Variants in IL36A observed in about 807,000 individuals in gnomAD.
The protein encoded by IL36A is interleukin 36 alpha.
A neutral mutation model predicts 12.7 loss-of-function variants in IL36A; 13 were observed. That is an observed-to-expected ratio of 1.02 (90% confidence interval 0.67 to 1.63). The LOEUF (loss-of-function observed/expected upper bound fraction) is 1.63, where lower values mean the gene tolerates loss of function less well. Ranked by LOEUF, IL36A falls within the 40% of genes most tolerant of loss-of-function variation. The pLI is 0.00. For missense variants in IL36A, 195 were observed against 192.9 expected, an observed-to-expected ratio of 1.01 and a Z score of -0.07; for synonymous variants, 73 against 71.9, an observed-to-expected ratio of 1.01 and a Z score of -0.08.
chr2:113,005,755 T>C lies in IL36A; in HGVS notation c.-117T>C, dbSNP rs1231111987. On this transcript the variant is annotated 5_prime_UTR_variant, in exon 1 of 4. Coordinates refer to ENST00000259211, the MANE Select transcript of IL36A (RefSeq NM_014440.3). ...GGGTCACTGCTGGGCTGGCCGCCAG[T>C]CTTTCATCTGACCCAGGGTTAAACT... The C allele has an allele frequency of 1.8e-6, 2 of 1,135,940 alleles. No individual in the cohort carries two copies. Among genetic ancestry groups the C allele is most frequent in the Admixed American group, 3.4e-5 (2 of 58,998 alleles). The allele number at this position is 1,135,940 out of a possible 1,614,324, so 70.4% of individuals were successfully genotyped here.
Position 113,005,566 on chromosome 2 carries a change from T to C in IL36A, c.-306T>C, listed in dbSNP as rs77008632. On this transcript the variant is annotated 5_prime_UTR_variant, in exon 1 of 4. Transcript: ENST00000259211. ...TGCTGGAAAGTCTGGTGACCTCTGATTTTTTTTGCTTCCAGGTCTTTGGCC... is the reference window on the plus strand; with the variant it reads ...TGCTGGAAAGTCTGGTGACCTCTGACTTTTTTTGCTTCCAGGTCTTTGGCC... 2.0e-6 allele frequency: 1 copy of C among 494,434 alleles called. No individual in the cohort carries two copies. The allele number at this position is 494,434 out of a possible 1,614,324, so 30.6% of individuals were successfully genotyped here. A position where few individuals can be genotyped will look rare whatever the true frequency, so the allele number is the denominator to read the frequency against.
At position 113,006,020 on chromosome 2, in the gene IL36A, T is replaced by G. The variant is rs777920919; in HGVS notation, c.57T>G (p.Asn19Lys). Residue 19 changes from asparagine (N) to lysine (K), a missense_variant, in exon 2 of 4, where the codon AAT (asparagine) becomes AAG (lysine). Transcript: ENST00000259211. ...AGCAGGGGAGCATTCAGGATATCAA[T>G]CATCGGGTGTGGGTTCTTCAGGACC... ...TPQQGSIQDI[N>K]HRVWVLQDQT... is the part of the protein sequence containing the mutation. 1.2e-6 allele frequency: 2 copies of G among 1,614,130 alleles called. No homozygotes were observed. The highest frequency in any genetic ancestry group is 1.7e-6 in the Non-Finnish European group (2 of 1,179,992).
intron 3 of IL36A, 124 bp from the exon 4 acceptor site, chr2:113,007,708 G>A (rs1358034731): frequency 1.4e-6 from 1 of 708,424 alleles, no homozygotes; most frequent in African/African-American, 1.8e-5. Flanking sequence ...ATATGAAACA[G>A]AGGTCTCCAA....
rs371952705 is a variant in IL36A, at chr2:113,007,864, C to T, written c.297C>T (p.Pro99=). The T allele has an allele frequency of 3.6e-5, 58 of 1,613,988 alleles. No individual in the cohort carries two copies. The highest frequency in any genetic ancestry group is 1.7e-4 in the African/African-American group (13 of 74,902). Residue 99 remains proline, a synonymous_variant, in exon 4 of 4, where the codon CCC becomes CCT. Transcript: ENST00000259211. ...ATATAATGGATTTGTACAACCAACC[C>T]GAGCCTGTGAAGTCCTTTCTCTTCT... ...EKDIMDLYNQ[P]EPVKSFLFYH...
downstream of IL36A, among the ~76,000 whole-genome samples, chr2:113,010,315 G>C (rs532265013): frequency 6.6e-6 from 1 of 152,204 alleles, no homozygotes; most frequent in East Asian, 1.9e-4. Flanking sequence ...ATTTTTTCCT[G>C]GTGACAGCAT....
Position 113,006,596 on chromosome 2 carries a change from A to G in IL36A, c.125-2A>G. 1.2e-6 allele frequency: 2 copies of G among 1,613,922 alleles called. No homozygotes were observed. Among genetic ancestry groups the G allele is most frequent in the Middle Eastern group, 1.7e-4 (1 of 6,022 alleles). The stretch of plus-strand genomic sequence containing the variant: ...ACACCACTTTTCACATCGTGTTCCC[A>G]GTCACTATTGCCTTAATCTCATGCC... On this transcript the variant is annotated splice_acceptor_variant, in intron 2 of 3. Coordinates refer to ENST00000259211, the MANE Select transcript of IL36A (RefSeq NM_014440.3). LOFTEE classifies it high-confidence loss of function.
At chr2:113,009,861 A>G (rs1189501812), downstream of IL36A, among the ~76,000 whole-genome samples, 2 of 152,258 alleles carry the variant, frequency 1.3e-5, no homozygotes, top group Non-Finnish European at 2.9e-5. Context: ...GTGAACTCAC[A>G]AACCATAAAC....
At chr2:113,008,062 G>A (rs561354050), downstream of IL36A, 2 of 1,596,314 alleles carry the variant, frequency 1.3e-6, no homozygotes, top group South Asian at 2.2e-5. Context: ...TGGGTTTGGA[G>A]GATAGTCTCC....
rs896275936 is a variant in IL36A, at chr2:113,007,861, A to G, written c.294A>G (p.Gln98=). The G allele has an allele frequency of 1.2e-6, 2 of 1,614,086 alleles. No individual in the cohort carries two copies. The highest frequency in any genetic ancestry group is 1.6e-4 in the Middle Eastern group (1 of 6,062). Residue 98 remains glutamine (Q), a synonymous_variant, in exon 4 of 4, where the codon CAA becomes CAG. Transcript: ENST00000259211. The part of the protein sequence containing the change: ...KEKDIMDLYN[Q]PEPVKSFLFY... ...AGGATATAATGGATTTGTACAACCA[A>G]CCCGAGCCTGTGAAGTCCTTTCTCT...
rs759995735 is a variant in IL36A, at chr2:113,006,027, G to T, written c.64G>T (p.Val22Leu). The change falls in exon 2 of 4, where the codon GTG becomes TTG. Residue 22 changes from valine to leucine, a missense_variant. Transcript: ENST00000259211. ...QGSIQDINHR[V>L]WVLQDQTLIA... Reference sequence around the variant, plus strand: ...GAGCATTCAGGATATCAATCATCGGGTGTGGGTTCTTCAGGACCAGACGCT... The same window carrying T: ...GAGCATTCAGGATATCAATCATCGGTTGTGGGTTCTTCAGGACCAGACGCT... The T allele has an allele frequency of 2.5e-6, 4 of 1,614,026 alleles. No individual in the cohort carries two copies. The African/African-American group carries it at 5.3e-5, about 22-fold the overall frequency.
chr2:113,005,656 G>A lies in IL36A; in HGVS notation c.-216G>A. 3.2e-6 allele frequency: 2 copies of A among 618,688 alleles called. No homozygotes were observed. The allele number at this position is 618,688 out of a possible 1,614,324, so 38.3% of individuals were successfully genotyped here. ...CTGGGCAGGATTCATAGGTGCAGCT[G>A]CTTCTGCTGGAGGTAGACTGCATCC... On this transcript the variant is annotated 5_prime_UTR_variant, in exon 1 of 4. Transcript: ENST00000259211.
Position 113,007,879 on chromosome 2 carries a change from C to T in IL36A, c.312C>T (p.Ser104=). The part of the protein sequence containing the change: ...DLYNQPEPVK[S]FLFYHSQSGR... ...ACAACCAACCCGAGCCTGTGAAGTC[C>T]TTTCTCTTCTACCACAGCCAGAGTG... is the stretch of plus-strand genomic sequence containing the variant. The change falls in exon 4 of 4, where the codon TCC becomes TCT. Residue 104 remains serine (S), a synonymous_variant. Coordinates refer to ENST00000259211, the MANE Select transcript of IL36A (RefSeq NM_014440.3). The T allele has an allele frequency of 1.2e-6, 2 of 1,614,174 alleles. No homozygotes were observed. Among genetic ancestry groups the T allele is most frequent in the South Asian group, 1.1e-5 (1 of 91,086 alleles).
Position 113,006,585 on chromosome 2 carries a change from A to T in IL36A, c.125-13A>T. The T allele has an allele frequency of 1.2e-6, 2 of 1,613,724 alleles. No homozygotes were observed. The highest frequency in any genetic ancestry group is 1.7e-6 in the Non-Finnish European group (2 of 1,179,914). ...ATGGCAGCTGAACACCACTTTTCACATCGTGTTCCCAGTCACTATTGCCTT... is the reference window on the plus strand; with the variant it reads ...ATGGCAGCTGAACACCACTTTTCACTTCGTGTTCCCAGTCACTATTGCCTT... On this transcript the variant is annotated splice_polypyrimidine_tract_variant and intron_variant, in intron 2 of 3. Coordinates refer to ENST00000259211, the MANE Select transcript of IL36A (RefSeq NM_014440.3).
At chr2:113,008,918 C>A (rs1684687293), downstream of IL36A, among the ~76,000 whole-genome samples, 1 of 151,230 alleles carries the variant, frequency 6.6e-6, no homozygotes, top group Admixed American at 6.6e-5. Flanking sequence ...ATGCTGCACC[C>A]ATTAACTCGT....
At chr2:113,008,460 A>G (rs1461713585), downstream of IL36A, 1 of 171,772 alleles carries the variant, frequency 5.8e-6, no homozygotes, top group Non-Finnish European at 1.2e-5. Flanking sequence ...TCCCGGGTTC[A>G]CGCCATTCTC....
At position 113,005,762 on chromosome 2, in the gene IL36A, T is replaced by A; in HGVS notation, c.-110T>A. The A allele has an allele frequency of 8.0e-7, 1 of 1,252,620 alleles. No individual in the cohort carries two copies. Among genetic ancestry groups the A allele is most frequent in the Non-Finnish European group, 1.2e-6 (1 of 850,870 alleles). The allele number at this position is 1,252,620 out of a possible 1,614,324, so 77.6% of individuals were successfully genotyped here. A position where few individuals can be genotyped will look rare whatever the true frequency, so the allele number is the denominator to read the frequency against. Reference sequence around the variant, plus strand: ...TGCTGGGCTGGCCGCCAGTCTTTCATCTGACCCAGGGTTAAACTGTGGCTT... The same window carrying A: ...TGCTGGGCTGGCCGCCAGTCTTTCAACTGACCCAGGGTTAAACTGTGGCTT... On this transcript the variant is annotated 5_prime_UTR_variant, in exon 1 of 4. Coordinates refer to ENST00000259211, the MANE Select transcript of IL36A (RefSeq NM_014440.3).
intron 3 of IL36A, among the ~76,000 whole-genome samples, chr2:113,007,576 T>G (rs1684647081): frequency 2.0e-5 from 3 of 152,208 alleles, no homozygotes; most frequent in African/African-American, 7.2e-5. Context: ...TGCTTTGTAT[T>G]CTCAAAAACT....
chr2:113,010,565 A>G (rs1201162729), downstream of IL36A, among the ~76,000 whole-genome samples: 1 of 152,180 alleles, frequency 6.6e-6, no homozygotes, highest in Non-Finnish European at 1.5e-5. Context: ...AAATCTGGCC[A>G]TCTTTGACGT....
downstream of IL36A, chr2:113,008,635 G>A (rs538302331): frequency 1.3e-4 from 24 of 182,148 alleles, no homozygotes; most frequent in Admixed American, 5.0e-4. Flanking sequence ...CTCTGTGATG[G>A]AGTATCAAGA....
Sources: allele counts gnomAD v4.1 joint callset (sites outside exome capture counted in the v4.1 genomes callset), GRCh38; gene constraint gnomAD v4.1.1; transcripts MANE v1.5; gene names NCBI Gene and HGNC (gene_info 2026-07-23, HGNC 2026-07-21).